NLGN1: variants seen among roughly 807,000 people sequenced by gnomAD.
NLGN1 encodes the protein neuroligin 1, also known as neuroligin-1.
Under a neutral mutation model 65.5 loss-of-function variants are expected in NLGN1, and 12 were observed. The ratio of observed to expected loss-of-function variants is 0.18; its 90% CI spans 0.12 to 0.30. NLGN1 has a LOEUF of 0.30. Among genes scored for constraint, NLGN1 ranks in the 10% least tolerant of loss-of-function variants. The pLI is 1.00. For synonymous variants in NLGN1, 350 were observed against 359.5 expected, an observed-to-expected ratio of 0.97 and a Z score of 0.30; for missense variants, 750 against 1,007.1, an observed-to-expected ratio of 0.74 and a Z score of 3.46.
At chr3:174,202,393 A>G (rs1734654744) in intron 4 of NLGN1, among the ~76,000 whole-genome samples, 1 of 152,054 alleles carries the variant, frequency 6.6e-6, no homozygotes, top group Non-Finnish European at 1.5e-5. Flanking sequence ...TCTGCCAGCC[A>G]TGTACCAGGG....
intron 4 of NLGN1, among the ~76,000 whole-genome samples, chr3:174,153,663 T>C (rs530968339): frequency 6.6e-6 from 1 of 152,036 alleles, no homozygotes; most frequent in Non-Finnish European, 1.5e-5. Flanking sequence ...ATAGTATAAC[T>C]TTTTTTCAAA....
At chr3:173,563,567 T>A (rs183479142) in intron 2 of NLGN1, among the ~76,000 whole-genome samples, 1 of 152,220 alleles carries the variant, frequency 6.6e-6, no homozygotes, top group Non-Finnish European at 1.5e-5. Flanking sequence ...CTGATTCTCT[T>A]TGATACGCTT....
intron 4 of NLGN1, among the ~76,000 whole-genome samples, chr3:174,050,037 A>G (rs543974964): frequency 6.6e-6 from 1 of 152,138 alleles, no homozygotes; most frequent in Non-Finnish European, 1.5e-5. Context: ...ATAAGAAAAA[A>G]GTTTAAAATG....
chr3:173,552,915 C>A (rs570399202), intron 2 of NLGN1, among the ~76,000 whole-genome samples: 1 of 152,308 alleles, frequency 6.6e-6, no homozygotes, highest in South Asian at 2.1e-4. Flanking sequence ...ATGAGAAATT[C>A]TATTTAGATC....
chr3:174,170,446 G>A (rs9821476), intron 4 of NLGN1, among the ~76,000 whole-genome samples: 13,947 of 152,210 alleles, frequency 0.092, 1,270 homozygotes, highest in African/African-American at 0.24. Flanking sequence ...CCCTGGCTCC[G>A]TGATGGATTA....
At chr3:173,660,374 C>A (rs1043201514) in intron 3 of NLGN1, among the ~76,000 whole-genome samples, 3 of 137,098 alleles carry the variant, frequency 2.2e-5, no homozygotes, top group African/African-American at 8.2e-5. Flanking sequence ...TTTTTTTTTT[C>A]AAATAAAAAA....
exon 5 of NLGN1, chr3:174,275,328 A>G: frequency 6.2e-7 from 1 of 1,611,956 alleles, no homozygotes; most frequent in Non-Finnish European, 8.5e-7. Context: ...TCTTGAGTAC[A>G]GGCGATCAGG....
chr3:173,497,112 G>A (rs552070577), intron 2 of NLGN1, among the ~76,000 whole-genome samples: 6 of 151,914 alleles, frequency 3.9e-5, no homozygotes, highest in South Asian at 2.1e-4. Flanking sequence ...GGCCAGGTGC[G>A]GTGGCTCACG....
intron 4 of NLGN1, among the ~76,000 whole-genome samples, chr3:173,841,645 A>T (rs1724797638): frequency 6.6e-6 from 1 of 152,208 alleles, no homozygotes; most frequent in East Asian, 1.9e-4. Context: ...ATTGCTAAAA[A>T]GGAAGACTGG....
intron 3 of NLGN1, among the ~76,000 whole-genome samples, chr3:173,734,876 G>C (rs1773487417): frequency 6.6e-6 from 1 of 152,006 alleles, no homozygotes; most frequent in Non-Finnish European, 1.5e-5. Context: ...AGGACAATTG[G>C]TATTAGCAAC....
chr3:173,800,343 G>A, intron 3 of NLGN1: 1 of 1,207,198 alleles, frequency 8.3e-7, no homozygotes, highest in Non-Finnish European at 1.1e-6. Context: ...TGACGGTGCT[G>A]AAGATGAAGG....
chr3:173,642,977 A>G (rs1472212205), intron 3 of NLGN1, among the ~76,000 whole-genome samples: 1 of 152,220 alleles, frequency 6.6e-6, no homozygotes, highest in Non-Finnish European at 1.5e-5. Context: ...TAAAATGTGT[A>G]TATATATACA....
At chr3:174,201,716 C>T (rs1348753008) in intron 4 of NLGN1, among the ~76,000 whole-genome samples, 1 of 152,178 alleles carries the variant, frequency 6.6e-6, no homozygotes, top group African/African-American at 2.4e-5. Flanking sequence ...ATAAATGTCA[C>T]CCAGCAGCAT....
At chr3:173,557,820 A>G (rs1400468910) in intron 2 of NLGN1, among the ~76,000 whole-genome samples, 2 of 152,118 alleles carry the variant, frequency 1.3e-5, no homozygotes, top group Non-Finnish European at 2.9e-5. Flanking sequence ...TTAAAAAAGT[A>G]TTTTATATTT....
intron 3 of NLGN1, among the ~76,000 whole-genome samples, chr3:173,769,168 A>G (rs1353260135): frequency 6.6e-6 from 1 of 152,150 alleles, no homozygotes; most frequent in Non-Finnish European, 1.5e-5. Flanking sequence ...AATAGTGAAC[A>G]TCACCTCCTA....
chr3:173,514,251 A>C (rs1311083092), intron 2 of NLGN1, among the ~76,000 whole-genome samples: 1 of 152,284 alleles, frequency 6.6e-6, no homozygotes, highest in African/African-American at 2.4e-5. Context: ...TTGTTTCAAT[A>C]GTTTTTTAGG....
chr3:173,676,294 C>T (rs925088373), intron 3 of NLGN1, among the ~76,000 whole-genome samples: 5 of 152,022 alleles, frequency 3.3e-5, no homozygotes, highest in Admixed American at 6.6e-5. Context: ...GGCAGATCAA[C>T]GGGACTGGAG....
rs572518017 is a variant in NLGN1, at chr3:174,187,654, G to A, written c.647-87661G>A. On this transcript the variant is annotated intron_variant, in intron 4 of 6. Transcript: ENST00000457714. ...CAATAATTCACAAGGCCAGGAGATC[G>A]GAAATTATTAATTTTCTTCACAATT... Among the ~76,000 whole-genome samples, 23 of 152,078 alleles carry A rather than the reference G, an allele frequency of 1.5e-4. No homozygotes were observed. In the South Asian group the frequency reaches 2.7e-3, roughly 18 times the overall value.
intron 4 of NLGN1, among the ~76,000 whole-genome samples, chr3:173,951,302 T>C (rs1399179797): frequency 6.6e-6 from 1 of 152,172 alleles, no homozygotes; most frequent in Admixed American, 6.5e-5. Flanking sequence ...AATCCATGCA[T>C]ATGTCATCTG....
Sources: gnomAD v4.1 joint callset for allele counts (sites outside exome capture counted in the v4.1 genomes callset) on GRCh38, gnomAD v4.1.1 for gene constraint, MANE v1.5 for transcripts, NCBI Gene and HGNC (gene_info 2026-07-23, HGNC 2026-07-21) for gene names.